Variants in HECW1 observed in about 807,000 individuals in gnomAD.
HECW1 encodes the protein E3 ubiquitin-protein ligase HECW1.
Under a neutral mutation model 182.3 loss-of-function variants are expected in HECW1, and 61 were observed. That is an observed-to-expected ratio of 0.33 (90% CI 0.27 to 0.41). The LOEUF is 0.41. Among genes scored for constraint, HECW1 ranks in the 10% least tolerant of loss-of-function variants. The probability of loss-of-function intolerance (pLI) is 1.00; values close to 1 mark genes in which losing one functional copy is unlikely to be tolerated. For missense variants in HECW1, 1,739 were observed against 2,108.9 expected, an observed-to-expected ratio of 0.82 and a Z score of 3.44; for synonymous variants, 859 against 832.6, an observed-to-expected ratio of 1.03 and a Z score of -0.55.
Position 43,504,067 on chromosome 7 carries a change from C to CCCAGTTA in HECW1, c.3631+2747_3631+2753dup, listed in dbSNP as rs1225939083. 3.9e-5 allele frequency among the ~76,000 whole-genome samples: 6 copies of CCCAGTTA among 152,290 alleles called. No homozygotes were observed. The East Asian group carries it at 1.2e-3, about 29-fold the overall frequency. ...AGCCATATCCCTCCCCTCCCTTTCT[C>CCCAGTTA]CCAGTTACTGTCATCTACCAACCTT... is the stretch of plus-strand genomic sequence containing the variant. On this transcript the variant is annotated intron_variant, in intron 21 of 29. Transcript: ENST00000395891.
At chr7:43,385,969 A>G (rs11983947) in intron 6 of HECW1, among the ~76,000 whole-genome samples, 2,196 of 152,282 alleles carry the variant, frequency 0.014, 58 homozygotes, top group African/African-American at 0.051. Context: ...GGAAAAGCCT[A>G]CTTTCAAGCT....
chr7:43,184,068 C>A (rs1210667553), intron 2 of HECW1, among the ~76,000 whole-genome samples: 1 of 151,934 alleles, frequency 6.6e-6, no homozygotes, highest in Non-Finnish European at 1.5e-5. Flanking sequence ...GGCTGGATTG[C>A]AGTGGCTAGA....
chr7:43,305,750 C>T (rs1247207902), intron 3 of HECW1, among the ~76,000 whole-genome samples: 2 of 151,494 alleles, frequency 1.3e-5, no homozygotes, highest in Non-Finnish European at 2.9e-5. Context: ...AGGCGCCCGT[C>T]ACCACGCCCA....
intron 5 of HECW1, among the ~76,000 whole-genome samples, chr7:43,351,748 C>T (rs1814503443): frequency 7.1e-6 from 1 of 141,130 alleles, no homozygotes; most frequent in African/African-American, 2.6e-5. Flanking sequence ...AAGAACAGTA[C>T]AATGTAAATG....
At chr7:43,124,298 C>T (rs567867195) in intron 2 of HECW1, among the ~76,000 whole-genome samples, 14 of 152,302 alleles carry the variant, frequency 9.2e-5, no homozygotes, top group Middle Eastern at 3.4e-3. Flanking sequence ...TCGCAAATAG[C>T]TTTTGAGGGA....
Position 43,143,207 on chromosome 7 carries a change from A to G in HECW1, c.-32+28816A>G, listed in dbSNP as rs376164660. Among the ~76,000 whole-genome samples the G allele has an allele frequency of 1.3e-4, 20 of 152,214 alleles. No individual in the cohort carries two copies. In the East Asian group the frequency reaches 2.7e-3, roughly 21 times the overall value. ...ACTGGTCGTGAACTCCTGAACTCAG[A>G]TGATCCACCCACCTCAGCCTCCCAA... On this transcript the variant is annotated intron_variant, in intron 2 of 29. Coordinates refer to ENST00000395891, the MANE Select transcript of HECW1 (RefSeq NM_015052.5).
intron 3 of HECW1, among the ~76,000 whole-genome samples, chr7:43,273,751 AAAAT>A (rs1393187991): frequency 6.6e-6 from 1 of 152,238 alleles, no homozygotes; most frequent in African/African-American, 2.4e-5. Context: ...AAAAATAAGC[AAAAT>A]AAAAAGATAA....
At chr7:43,170,593 C>T (rs1791588485) in intron 2 of HECW1, among the ~76,000 whole-genome samples, 1 of 152,174 alleles carries the variant, frequency 6.6e-6, no homozygotes, top group Non-Finnish European at 1.5e-5. Flanking sequence ...TGGCAGAGGT[C>T]AGGGTGGCTG....
intron 2 of HECW1, among the ~76,000 whole-genome samples, chr7:43,241,876 G>C (rs1224142155): frequency 6.6e-6 from 1 of 152,114 alleles, no homozygotes; most frequent in African/African-American, 2.4e-5. Context: ...CCAGGCCTCT[G>C]TCATGGGGGA....
At chr7:43,374,182 T>C (rs1283086400) in intron 6 of HECW1, among the ~76,000 whole-genome samples, 1 of 152,182 alleles carries the variant, frequency 6.6e-6, no homozygotes, top group Non-Finnish European at 1.5e-5. Flanking sequence ...ATTCTGGGGT[T>C]CAAATAAAAA....
chr7:43,304,130 G>A (rs1807217758), intron 3 of HECW1, among the ~76,000 whole-genome samples: 1 of 152,134 alleles, frequency 6.6e-6, no homozygotes, highest in Admixed American at 6.5e-5. Context: ...TTGGGTAGGA[G>A]GTTTCTGCTT....
chr7:43,470,650 G>T (rs1217380129), intron 16 of HECW1, among the ~76,000 whole-genome samples: 1 of 152,188 alleles, frequency 6.6e-6, no homozygotes, highest in Non-Finnish European at 1.5e-5. Flanking sequence ...TTAGCAAGAA[G>T]ATATCATACA....
chr7:43,450,536 C>A (rs1466324044), intron 11 of HECW1, among the ~76,000 whole-genome samples: 2 of 152,190 alleles, frequency 1.3e-5, no homozygotes, highest in African/African-American at 4.8e-5. Context: ...CTTTCTGGTG[C>A]CACTTTCTGA....
chr7:43,320,776 A>G, intron 5 of HECW1, 34 bp downstream of exon 5: 1 of 1,464,946 alleles, frequency 6.8e-7, no homozygotes, highest in South Asian at 1.1e-5. Context: ...GGCTTGGCAG[A>G]CATGGATGAA....
intron 4 of HECW1, 73 bp downstream of exon 4, chr7:43,312,160 C>T (rs2152772958): frequency 4.7e-6 from 6 of 1,290,256 alleles, no homozygotes; most frequent in Non-Finnish European, 3.3e-6. Context: ...ATAAACTCTA[C>T]AATATAATTA....
chr7:43,195,431 C>T (rs992758934), intron 2 of HECW1, among the ~76,000 whole-genome samples: 1 of 152,168 alleles, frequency 6.6e-6, no homozygotes, highest in East Asian at 1.9e-4. Flanking sequence ...CAGGAAGTTG[C>T]CCACACAGCC....
At chr7:43,264,837 C>T (rs1015743936) in intron 3 of HECW1, among the ~76,000 whole-genome samples, 2 of 94,234 alleles carry the variant, frequency 2.1e-5, no homozygotes, top group Admixed American at 1.3e-4. Flanking sequence ...GAGTGAGACT[C>T]GGTTTAAAAA....
intron 19 of HECW1, among the ~76,000 whole-genome samples, chr7:43,494,666 G>A (rs1444183358): frequency 6.6e-6 from 1 of 152,014 alleles, no homozygotes; most frequent in East Asian, 1.9e-4. Flanking sequence ...ACCACACCCA[G>A]CAAAATTTTG....
chr7:43,520,020 G>C (rs17209094), intron 24 of HECW1, among the ~76,000 whole-genome samples: 20,803 of 152,024 alleles, frequency 0.14, 1,830 homozygotes, highest in South Asian at 0.2. Flanking sequence ...TACATCTGTG[G>C]GTAAAAAATA....
Sources: allele counts gnomAD v4.1 joint callset (sites outside exome capture counted in the v4.1 genomes callset), GRCh38; gene constraint gnomAD v4.1.1; transcripts MANE v1.5; gene names NCBI Gene and HGNC (gene_info 2026-07-23, HGNC 2026-07-21).